The following PATL2 variants were observed in gnomAD, a reference collection of about 807,000 sequenced individuals.
The protein encoded by PATL2 is protein PAT1 homolog 2.
In PATL2, 73 loss-of-function variants were observed where a neutral mutation model predicts 77.0. The observed-to-expected ratio is 0.95, with a 90% CI of 0.78 to 1.15. The LOEUF (loss-of-function observed/expected upper bound fraction) is 1.15, where lower values mean the gene tolerates loss of function less well. Ranked by LOEUF, PATL2 falls within the 50% of genes most tolerant of loss-of-function variation. PATL2 has a pLI of 0.00. For synonymous variants in PATL2, 265 were observed against 257.1 expected, an observed-to-expected ratio of 1.03 and a Z score of -0.29; for missense variants, 618 against 655.4, an observed-to-expected ratio of 0.94 and a Z score of 0.62.
intron 9 of PATL2, among the ~76,000 whole-genome samples, chr15:44,671,165 T>G (rs1417309197): frequency 6.6e-6 from 1 of 152,120 alleles, no homozygotes; most frequent in Non-Finnish European, 1.5e-5. Flanking sequence ...GATGGGGCAC[T>G]GGATGGGAGG....
intron 15 of PATL2, among the ~76,000 whole-genome samples, chr15:44,667,713 C>T (rs2085453978): frequency 6.6e-6 from 1 of 152,194 alleles, no homozygotes; most frequent in African/African-American, 2.4e-5. Flanking sequence ...GAGGCCGAGG[C>T]AGGCGAATCA....
At chr15:44,673,438 G>A in intron 6 of PATL2, 61 bp from the exon 7 acceptor site, 3 of 1,533,738 alleles carry the variant, frequency 2.0e-6, no homozygotes, top group Non-Finnish European at 2.6e-6. Flanking sequence ...TGCTGCTCTT[G>A]TTGTGAGGGC....
chr15:44,676,953 A>T, intron 3 of PATL2: 1 of 1,005,880 alleles, frequency 9.9e-7, no homozygotes, highest in Non-Finnish European at 1.2e-6. Context: ...TAAAAGTCCC[A>T]GCTCCTCCCC....
intron 3 of PATL2, among the ~76,000 whole-genome samples, chr15:44,709,089 G>C (rs2086798318): frequency 6.6e-6 from 1 of 152,066 alleles, no homozygotes; most frequent in South Asian, 2.1e-4. Flanking sequence ...AGTAGAGACA[G>C]GGTTTCACCA....
At chr15:44,677,420 G>A (rs910551086) in intron 3 of PATL2, among the ~76,000 whole-genome samples, 9 of 152,158 alleles carry the variant, frequency 5.9e-5, no homozygotes, top group African/African-American at 1.9e-4. Flanking sequence ...GATCTTCATG[G>A]TAAAAACACT....
chr15:44,682,881 A>G (rs1480592751), intron 3 of PATL2, among the ~76,000 whole-genome samples: 1 of 152,184 alleles, frequency 6.6e-6, no homozygotes, highest in Non-Finnish European at 1.5e-5. Context: ...TGCATTTCCA[A>G]CTGAGGTACC....
At position 44,673,287 on chromosome 15, in the gene PATL2, G is replaced by T. The variant is rs560073817; in HGVS notation, c.394C>A (p.Pro132Thr). 1 of 1,551,674 alleles carries T rather than the reference G, an allele frequency of 6.4e-7. No homozygotes were observed. The highest frequency in any genetic ancestry group is 1.4e-5 in the African/African-American group (1 of 73,148). The change falls in exon 7 of 18, where the codon CCA becomes ACA. Residue 132 changes from proline to threonine, a missense_variant. Pro to Thr is a conservative substitution (Grantham distance 38). Transcript: ENST00000682850. ...AQHFGPRLPSPDPTLFCSLLT... is the reference protein window; with the variant it reads ...AQHFGPRLPSTDPTLFCSLLT... ...AGGCTGCAGAAGAGAGTTGGGTCTG[G>T]TGAGGGCAGCCGAGGTCCAAAGTGC...
intron 3 of PATL2, among the ~76,000 whole-genome samples, chr15:44,706,227 T>A (rs2086734006): frequency 6.6e-6 from 1 of 152,218 alleles, no homozygotes; most frequent in Admixed American, 6.5e-5. Context: ...TGGATGTTCA[T>A]CAGTGTCTGA....
At position 44,669,339 on chromosome 15, in the gene PATL2, T is replaced by A; in HGVS notation, c.1005A>T (p.Gln335His). ...RPPPPCFSEQ[Q>H]SNQVEKLFQT... is the part of the protein sequence containing the mutation. Reference sequence around the variant, plus strand: ...GGAAGAGCTTCTCAACCTGGTTGCTTTGCTGCTCAGAAAAGCAGGGCGGTG... The same window carrying A: ...GGAAGAGCTTCTCAACCTGGTTGCTATGCTGCTCAGAAAAGCAGGGCGGTG... The change falls in exon 13 of 18, where the codon CAA becomes CAT. Residue 335 changes from glutamine to histidine, a missense_variant. Physicochemically the swap from Gln to His is conservative, Grantham distance 24. Coordinates refer to ENST00000682850, the MANE Select transcript of PATL2 (RefSeq NM_001387263.1). 1 of 1,551,636 alleles carries A rather than the reference T, an allele frequency of 6.4e-7. No homozygotes were observed. Among genetic ancestry groups the A allele is most frequent in the Non-Finnish European group, 8.7e-7 (1 of 1,146,940 alleles).
At chr15:44,670,197 G>A (rs924707654) in intron 9 of PATL2, 110 bp from the exon 10 acceptor site, 1 of 1,408,268 alleles carries the variant, frequency 7.1e-7, no homozygotes, top group Non-Finnish European at 9.5e-7. Context: ...TTTTTTGTGT[G>A]TGTTATAAGT....
intron 3 of PATL2, among the ~76,000 whole-genome samples, chr15:44,707,216 G>A (rs902544655): frequency 6.6e-6 from 1 of 151,988 alleles, no homozygotes; most frequent in African/African-American, 2.4e-5. Flanking sequence ...CTGGAATCAG[G>A]GACCTTAAGA....
At chr15:44,705,789 C>G (rs1041496622) in intron 3 of PATL2, among the ~76,000 whole-genome samples, 1 of 126,966 alleles carries the variant, frequency 7.9e-6, no homozygotes, top group African/African-American at 3.3e-5. Flanking sequence ...GCTTTAATTT[C>G]TTTGAGTTTC....
intron 3 of PATL2, among the ~76,000 whole-genome samples, chr15:44,692,312 C>T (rs1018916223): frequency 6.6e-6 from 1 of 151,966 alleles, no homozygotes. Flanking sequence ...TTCATAATGG[C>T]CATGAATTTT....
chr15:44,669,332 G>A lies in PATL2; in HGVS notation c.1012C>T (p.Gln338Ter). 1.3e-6 allele frequency: 2 copies of A among 1,551,580 alleles called. No homozygotes were observed. Among genetic ancestry groups the A allele is most frequent in the Non-Finnish European group, 1.7e-6 (2 of 1,146,948 alleles). ...PPCFSEQQSN[Q>*]VEKLFQTLKT... ...AAGGTCTGGAAGAGCTTCTCAACCT[G>A]GTTGCTTTGCTGCTCAGAAAAGCAG... Residue 338 changes from glutamine to a stop codon, truncating the protein, a stop_gained, in exon 13 of 18, where the codon CAG (glutamine) becomes TAG (stop). Transcript: ENST00000682850. LOFTEE classifies it high-confidence loss of function.
At chr15:44,709,747 G>T (rs1595994527) in intron 3 of PATL2, among the ~76,000 whole-genome samples, 1 of 152,038 alleles carries the variant, frequency 6.6e-6, no homozygotes, top group East Asian at 1.9e-4. Context: ...TTTTTTATTG[G>T]TTTTTAAATT....
intron 3 of PATL2, among the ~76,000 whole-genome samples, chr15:44,685,253 A>G (rs1240541022): frequency 6.6e-6 from 1 of 152,214 alleles, no homozygotes; most frequent in African/African-American, 2.4e-5. Flanking sequence ...AACAATATTA[A>G]CCTTAAATGT....
chr15:44,694,524 TTG>T (rs367774687), intron 3 of PATL2, among the ~76,000 whole-genome samples: 22 of 152,224 alleles, frequency 1.4e-4, no homozygotes, highest in African/African-American at 5.1e-4. Flanking sequence ...CCTAAACTCC[TTG>T]TGTGTGTGTC....
chr15:44,698,866 T>C (rs1193455493), intron 3 of PATL2, among the ~76,000 whole-genome samples: 2 of 152,210 alleles, frequency 1.3e-5, no homozygotes, highest in Non-Finnish European at 2.9e-5. Context: ...ACCAACAGTG[T>C]ATGAAGGTTC....
chr15:44,692,601 C>T (rs2086416505), intron 3 of PATL2, among the ~76,000 whole-genome samples: 1 of 152,230 alleles, frequency 6.6e-6, no homozygotes. Flanking sequence ...TGCCGAGGAG[C>T]TAGCAGGCAC....
Sources: allele counts gnomAD v4.1 joint callset (sites outside exome capture counted in the v4.1 genomes callset), GRCh38; gene constraint gnomAD v4.1.1; transcripts MANE v1.5; gene names NCBI Gene and HGNC (gene_info 2026-07-23, HGNC 2026-07-21).